Variants in FSTL5 observed in about 807,000 individuals in gnomAD.
FSTL5 encodes follistatin like 5.
In FSTL5, 62 loss-of-function variants were observed where a neutral mutation model predicts 89.1. That is an observed-to-expected ratio of 0.70 (90% CI 0.57 to 0.86). The LOEUF is 0.86. Ranked by LOEUF, FSTL5 falls within the 40% of genes least tolerant of loss-of-function variation. The pLI is 0.00. For missense variants in FSTL5, 1,057 were observed against 1,001.6 expected (o/e 1.06, Z -0.75); for synonymous variants, 383 against 346.2 (o/e 1.11, Z -1.18).
At chr4:161,642,875 T>TG (rs1459641164) in intron 7 of FSTL5, among the ~76,000 whole-genome samples, 1 of 152,144 alleles carries the variant, frequency 6.6e-6, no homozygotes, top group African/African-American at 2.4e-5. Flanking sequence ...AGATGAATGT[T>TG]GGAGATGGTT....
At chr4:161,729,328 T>C (rs1739526330) in intron 6 of FSTL5, among the ~76,000 whole-genome samples, 2 of 152,198 alleles carry the variant, frequency 1.3e-5, no homozygotes, top group African/African-American at 4.8e-5. Flanking sequence ...ATAAATGTTC[T>C]ACTGTCTTCT....
chr4:161,791,008 G>C (rs538971391), intron 4 of FSTL5, among the ~76,000 whole-genome samples: 3 of 135,764 alleles, frequency 2.2e-5, no homozygotes, highest in African/African-American at 8.2e-5. Flanking sequence ...TCTAGATCTA[G>C]AGACAAAACA....
At chr4:162,050,306 T>C (rs1738338004) in intron 2 of FSTL5, among the ~76,000 whole-genome samples, 1 of 151,376 alleles carries the variant, frequency 6.6e-6, no homozygotes. Context: ...AAAATAATTA[T>C]ATTGACATCA....
rs1227648026 is a variant in FSTL5 at position 162,163,954 on chromosome 4, C to G, written c.-356G>C. On this transcript the variant is annotated 5_prime_UTR_variant, in exon 1 of 16. Coordinates refer to ENST00000306100, the MANE Select transcript of FSTL5 (RefSeq NM_020116.5). The stretch of plus-strand genomic sequence containing the variant: ...CGTCTCAGGTTCAGCACCGACAGCA[C>G]AGTGGACAGTACCAGCTCCTTTCAC... 4 of 152,390 alleles carry G rather than the reference C, an allele frequency of 2.6e-5. No homozygotes were observed. Among genetic ancestry groups the G allele is most frequent in the Non-Finnish European group, 5.9e-5 (4 of 68,218 alleles). The allele number at this position is 152,390 out of a possible 1,614,324, so 9.4% of individuals were successfully genotyped here. A position where few individuals can be genotyped will look rare whatever the true frequency, so the allele number is the denominator to read the frequency against.
intron 15 of FSTL5, among the ~76,000 whole-genome samples, chr4:161,424,684 G>A (rs959729632): frequency 6.6e-6 from 1 of 152,086 alleles, no homozygotes; most frequent in African/African-American, 2.4e-5. Flanking sequence ...AAAATGTAGA[G>A]ACTGGAAATG....
At chr4:161,571,630 A>G (rs1733015312) in intron 8 of FSTL5, among the ~76,000 whole-genome samples, 1 of 152,200 alleles carries the variant, frequency 6.6e-6, no homozygotes, top group African/African-American at 2.4e-5. Flanking sequence ...AGGAAATAAT[A>G]CATTATCGAC....
chr4:162,108,865 G>A (rs1044835161), intron 2 of FSTL5, among the ~76,000 whole-genome samples: 14 of 151,632 alleles, frequency 9.2e-5, no homozygotes, highest in South Asian at 4.2e-4. Flanking sequence ...TCATTTGTTC[G>A]CCATAATTTA....
chr4:161,478,066 G>A (rs78829909), intron 13 of FSTL5, among the ~76,000 whole-genome samples: 13,556 of 151,818 alleles, frequency 0.089, 846 homozygotes, highest in South Asian at 0.21. Flanking sequence ...TGTAATATTC[G>A]GTCTCACTTT....
At chr4:161,747,479 A>C (rs1000689913) in intron 6 of FSTL5, among the ~76,000 whole-genome samples, 5 of 152,218 alleles carry the variant, frequency 3.3e-5, no homozygotes, top group Admixed American at 2.6e-4. Flanking sequence ...ATGCTAATTA[A>C]GCAACACTGA....
At chr4:161,901,103 G>A (rs933213279) in intron 4 of FSTL5, among the ~76,000 whole-genome samples, 12 of 151,524 alleles carry the variant, frequency 7.9e-5, no homozygotes, top group African/African-American at 2.9e-4. Flanking sequence ...TATTTACTGA[G>A]CTGCCACCGC....
chr4:161,917,546 C>A (rs1282441547), intron 4 of FSTL5, among the ~76,000 whole-genome samples: 1 of 152,112 alleles, frequency 6.6e-6, no homozygotes, highest in Non-Finnish European at 1.5e-5. Flanking sequence ...AATACTATCC[C>A]TGGGTCTTAC....
chr4:162,103,003 G>A (rs1192334997), intron 2 of FSTL5, among the ~76,000 whole-genome samples: 1 of 151,940 alleles, frequency 6.6e-6, no homozygotes, highest in Non-Finnish European at 1.5e-5. Flanking sequence ...ATATTTTAAT[G>A]TAGGGTCACA....
rs1298749709 is a variant in FSTL5, at chr4:161,891,144, G to A, written c.409+29260C>T. The stretch of plus-strand genomic sequence containing the variant: ...CCAGTTGTCAACTATGTATCTTGCT[G>A]CTTCTGAAGTATTTTTTTTCTTATG... On this transcript the variant is annotated intron_variant, in intron 4 of 15. Coordinates refer to ENST00000306100, the MANE Select transcript of FSTL5 (RefSeq NM_020116.5). Among the ~76,000 whole-genome samples the A allele has an allele frequency of 2.6e-5, 4 of 151,870 alleles. No homozygotes were observed. In the South Asian group the frequency reaches 6.2e-4, roughly 24 times the overall value.
chr4:161,602,371 T>C (rs1170429673), intron 7 of FSTL5, among the ~76,000 whole-genome samples: 1 of 152,008 alleles, frequency 6.6e-6, no homozygotes. Flanking sequence ...AATCTGAATA[T>C]AGGTGAATGG....
At chr4:161,394,131 A>G (rs1232311550) in intron 15 of FSTL5, among the ~76,000 whole-genome samples, 4 of 152,178 alleles carry the variant, frequency 2.6e-5, no homozygotes, top group Non-Finnish European at 5.9e-5. Context: ...ATAAAGAAAA[A>G]TTGTATCAAC....
rs200430204 is a variant in FSTL5, at chr4:162,031,107, A to T, written c.160+2518T>A. 1.2e-4 allele frequency among the ~76,000 whole-genome samples: 18 copies of T among 152,260 alleles called. No homozygotes were observed. The East Asian group carries it at 3.5e-3, about 29-fold the overall frequency. On this transcript the variant is annotated intron_variant, in intron 3 of 15. Coordinates refer to ENST00000306100, the MANE Select transcript of FSTL5 (RefSeq NM_020116.5). ...TGTAGGACTATCTCATTTTTCTATT[A>T]TAATCTTCAGTGCAATTTTATGGAA...
intron 6 of FSTL5, among the ~76,000 whole-genome samples, chr4:161,758,786 G>A (rs185987023): frequency 2.8e-4 from 43 of 152,214 alleles, no homozygotes; most frequent in Admixed American, 6.5e-4. Flanking sequence ...CCAAAGTGCC[G>A]GGATTACAGG....
At chr4:161,774,054 G>A (rs777208781) in intron 5 of FSTL5, among the ~76,000 whole-genome samples, 1 of 152,124 alleles carries the variant, frequency 6.6e-6, no homozygotes, top group Non-Finnish European at 1.5e-5. Flanking sequence ...GAGGTCAGGA[G>A]ATTGAGACCA....
chr4:162,017,698 G>C (rs1197236606), intron 3 of FSTL5, among the ~76,000 whole-genome samples: 2 of 152,136 alleles, frequency 1.3e-5, no homozygotes, highest in African/African-American at 2.4e-5. Flanking sequence ...GAACTTTAAA[G>C]TATGTTTGAG....
Sources: gnomAD v4.1 joint callset for allele counts (sites outside exome capture counted in the v4.1 genomes callset) on GRCh38, gnomAD v4.1.1 for gene constraint, MANE v1.5 for transcripts, NCBI Gene and HGNC (gene_info 2026-07-23, HGNC 2026-07-21) for gene names.